PIR: variants seen among roughly 807,000 people sequenced by gnomAD.
PIR encodes the protein pirin (iron-binding nuclear protein).
In PIR, 22 loss-of-function variants were observed where a neutral mutation model predicts 24.2. The ratio of observed to expected loss-of-function variants is 0.91; its 90% confidence interval spans 0.65 to 1.30. The LOEUF (loss-of-function observed/expected upper bound fraction) is 1.30, where lower values mean the gene tolerates loss of function less well. Among genes scored for constraint, PIR ranks in the 50% most tolerant of loss-of-function variants. The pLI, the probability that PIR is intolerant of heterozygous loss-of-function variation, is 0.00. For synonymous variants in PIR, 80 were observed against 79.6 expected (o/e 1.00, Z -0.03); for missense variants, 220 against 220.3 (o/e 1.00, Z 0.01).
At chrX:15,478,020 C>A (rs1569211056) in intron 3 of PIR, among the ~76,000 whole-genome samples, 2 of 82,726 alleles carry the variant, frequency 2.4e-5, no homozygotes, top group African/African-American at 9.1e-5. Flanking sequence ...GTATTCCCCC[C>A]CCCCCAGAAA....
chrX:15,437,825 C>G (rs947226812), intron 5 of PIR, among the ~76,000 whole-genome samples: 12 of 112,394 alleles, frequency 1.1e-4, no homozygotes, highest in Admixed American at 9.4e-5. Flanking sequence ...GACATGTAAG[C>G]CTCCTCTCTG....
intron 3 of PIR, among the ~76,000 whole-genome samples, chrX:15,460,458 G>T (rs1344703275): frequency 9.0e-6 from 1 of 111,493 alleles, no homozygotes; most frequent in Non-Finnish European, 1.9e-5. Context: ...GAACCTGGAG[G>T]ATATTATGCT....
chrX:15,449,747 C>A (rs188021023), intron 5 of PIR, among the ~76,000 whole-genome samples: 1 of 112,154 alleles, frequency 8.9e-6, no homozygotes, highest in African/African-American at 3.2e-5. Flanking sequence ...TAAACATTAA[C>A]AAATTTACTA....
intron 2 of PIR, among the ~76,000 whole-genome samples, chrX:15,482,726 C>T (rs932318737): frequency 3.9e-4 from 44 of 111,536 alleles, no homozygotes; most frequent in African/African-American, 1.4e-3. Flanking sequence ...TGGCTGTCCT[C>T]GTCTGGTCCT....
chrX:15,466,583 C>T (rs1220075645), intron 3 of PIR, among the ~76,000 whole-genome samples: 4 of 112,082 alleles, frequency 3.6e-5, no homozygotes, highest in African/African-American at 1.3e-4. Context: ...GCTCAGTCTC[C>T]TCATGTACAG....
At chrX:15,438,718 C>T (rs1189856393) in intron 5 of PIR, among the ~76,000 whole-genome samples, 3 of 111,213 alleles carry the variant, frequency 2.7e-5, no homozygotes, top group Admixed American at 9.6e-5. Context: ...CTGTCCTAGC[C>T]GACTGTCAAG....
In PIR at chrX:15,485,028, G is replaced by T. The variant is rs186109363; in HGVS notation, c.97-5207C>A. Among the ~76,000 whole-genome samples, 395 of 112,055 alleles carry T rather than the reference G, an allele frequency of 3.5e-3. 3 individuals are homozygous for T. The highest frequency in any genetic ancestry group is 5.8e-3 in the Non-Finnish European group (306 of 53,194). On this transcript the variant is annotated intron_variant, in intron 2 of 9. Transcript: ENST00000380420. ...ACATGTTCAGGAGAAAACACCAAGG[G>T]TGTGGCCAAATGACCATTTCACCAT...
chrX:15,477,905 C>T (rs1276973047), intron 3 of PIR, among the ~76,000 whole-genome samples: 2 of 110,845 alleles, frequency 1.8e-5, no homozygotes, highest in Admixed American at 9.6e-5. Context: ...CAAATAATTA[C>T]AGTTACAGTT....
intron 6 of PIR, among the ~76,000 whole-genome samples, chrX:15,420,529 CA>C (rs1925096128): frequency 8.9e-6 from 1 of 111,871 alleles, no homozygotes; most frequent in Admixed American, 9.5e-5. Flanking sequence ...CCTGTCTCAT[CA>C]AAATAAATTT....
At chrX:15,474,596 T>G (rs1269580364) in intron 3 of PIR, among the ~76,000 whole-genome samples, 3 of 111,807 alleles carry the variant, frequency 2.7e-5, no homozygotes, top group East Asian at 5.6e-4. Context: ...GTCTTGAGAG[T>G]AGAGGTGGCT....
At chrX:15,466,206 T>C (rs1196117910) in intron 3 of PIR, among the ~76,000 whole-genome samples, 3 of 111,411 alleles carry the variant, frequency 2.7e-5, no homozygotes, top group African/African-American at 9.8e-5. Context: ...AATGTTTTCA[T>C]GACTTGAGTA....
At chrX:15,456,090 C>T (rs763256522) in intron 4 of PIR, 36 bp from the exon 5 acceptor site, 1 of 1,105,911 alleles carries the variant, frequency 9.0e-7, no homozygotes. Context: ...GAAATGTAAC[C>T]AAGCTCCTAA....
intron 2 of PIR, among the ~76,000 whole-genome samples, chrX:15,483,494 C>T (rs1469800451): frequency 9.0e-6 from 1 of 111,006 alleles, no homozygotes; most frequent in African/African-American, 3.3e-5. Context: ...CAGAAGACAC[C>T]TCTTTCCTTT....
chrX:15,454,077 C>T (rs1920998236), intron 5 of PIR, among the ~76,000 whole-genome samples: 1 of 111,505 alleles, frequency 9.0e-6, no homozygotes, highest in Non-Finnish European at 1.9e-5. Flanking sequence ...AGGAAAATAC[C>T]ATGTGAGATG....
At chrX:15,416,052 G>A (rs2147022730) in intron 6 of PIR, among the ~76,000 whole-genome samples, 1 of 110,667 alleles carries the variant, frequency 9.0e-6, no homozygotes, top group Non-Finnish European at 1.9e-5. Context: ...TATATAAAGA[G>A]CTCTTACAAA....
chrX:15,392,560 G>A (rs925317835), intron 8 of PIR, among the ~76,000 whole-genome samples: 4 of 111,361 alleles, frequency 3.6e-5, no homozygotes, highest in South Asian at 3.8e-4. Context: ...AAAAACTACC[G>A]TATTTGACAT....
chrX:15,449,257 C>T (rs763389823), intron 5 of PIR, among the ~76,000 whole-genome samples: 16 of 111,573 alleles, frequency 1.4e-4, no homozygotes, highest in Admixed American at 3.8e-4. Context: ...ATTCTTTCTC[C>T]CTAAAATGCT....
At position 15,467,165 on chromosome X, in the gene PIR, A is replaced by T. The variant is rs1921642389; in HGVS notation, c.190-7425T>A. On this transcript the variant is annotated intron_variant, in intron 3 of 9. Transcript: ENST00000380420. ...CATAGCATTTCAGCATTTACAAAGC[A>T]TCTGATCCTGGAAATATGTGATCAC... 3.6e-5 allele frequency among the ~76,000 whole-genome samples: 4 copies of T among 112,656 alleles called. No homozygotes were observed. In the South Asian group the frequency reaches 1.5e-3, roughly 41 times the overall value.
intron 3 of PIR, among the ~76,000 whole-genome samples, chrX:15,476,767 T>C (rs1922217377): frequency 9.0e-6 from 1 of 111,452 alleles, no homozygotes; most frequent in Non-Finnish European, 1.9e-5. Context: ...AAAACTATCA[T>C]AAAGCATTAT....
Sources: gnomAD v4.1 joint callset for allele counts (sites outside exome capture counted in the v4.1 genomes callset) on GRCh38, gnomAD v4.1.1 for gene constraint, MANE v1.5 for transcripts, NCBI Gene and HGNC (gene_info 2026-07-23, HGNC 2026-07-21) for gene names.